Variants in ZNF804B observed in about 807,000 individuals in gnomAD.
ZNF804B encodes zinc finger protein 804B.
ZNF804B carries 80 observed loss-of-function variants against 101.4 expected under a neutral mutation model. The observed-to-expected ratio is 0.79, with a 90% CI of 0.66 to 0.95. ZNF804B has a LOEUF of 0.95. Ranked by LOEUF, ZNF804B falls within the 40% of genes least tolerant of loss-of-function variation. ZNF804B has a pLI of 0.00. For missense variants in ZNF804B, 1,673 were observed against 1,561.9 expected, an observed-to-expected ratio of 1.07 and a Z score of -1.20; for synonymous variants, 622 against 558.8, an observed-to-expected ratio of 1.11 and a Z score of -1.59.
chr7:88,805,707 G>T (rs1302069391), intron 1 of ZNF804B, among the ~76,000 whole-genome samples: 1 of 152,190 alleles, frequency 6.6e-6, no homozygotes, highest in East Asian at 1.9e-4. Flanking sequence ...ATTCCTGGGG[G>T]TCTAGAGTAA....
At chr7:89,144,259 T>C (rs1790757761) in intron 1 of ZNF804B, among the ~76,000 whole-genome samples, 1 of 152,140 alleles carries the variant, frequency 6.6e-6, no homozygotes, top group East Asian at 1.9e-4. Flanking sequence ...GTCATTTCTA[T>C]TTTGAGAAAA....
chr7:89,015,956 G>A (rs1381582111), intron 1 of ZNF804B, among the ~76,000 whole-genome samples: 2 of 152,064 alleles, frequency 1.3e-5, no homozygotes, highest in African/African-American at 4.8e-5. Flanking sequence ...CCCACCAACA[G>A]TGTAAAAGTG....
chr7:88,866,321 C>T (rs1006512956), intron 1 of ZNF804B, among the ~76,000 whole-genome samples: 4 of 152,140 alleles, frequency 2.6e-5, no homozygotes, highest in Non-Finnish European at 5.9e-5. Flanking sequence ...TCTTTTCCAT[C>T]AAGAGGTTGT....
chr7:89,214,159 T>C (rs1292585539), intron 1 of ZNF804B, among the ~76,000 whole-genome samples: 1 of 152,198 alleles, frequency 6.6e-6, no homozygotes, highest in African/African-American at 2.4e-5. Context: ...CCCATTGGCA[T>C]TACCGAATGT....
In ZNF804B at chr7:88,767,696, G is replaced by C. The variant is rs569126115; in HGVS notation, c.108+7612G>C. On this transcript the variant is annotated intron_variant, in intron 1 of 3. Coordinates refer to ENST00000333190, the MANE Select transcript of ZNF804B (RefSeq NM_181646.5). ...TTCTCTAAAAACGTTCAAAATCCTT[G>C]AATAATATTTTAAGTGTAGGTGCAT... Among the ~76,000 whole-genome samples the C allele has an allele frequency of 6.6e-5, 10 of 152,230 alleles. No homozygotes were observed. In the South Asian group the frequency reaches 2.1e-3, roughly 32 times the overall value.
In ZNF804B at chr7:89,298,216, GTATATATATATATATATATATATA is replaced by G. The variant is rs1171165341; in HGVS notation, c.250-29109_250-29086del. ...ATATCTATATAGTGTGTGTGTGTGT[GTATATATATATATATATATATATA>G]TATATATATATATATATACTTTAAG... On this transcript the variant is annotated intron_variant, in intron 2 of 3. Transcript: ENST00000333190. 8.0e-4 allele frequency among the ~76,000 whole-genome samples: 22 copies of G among 27,526 alleles called. No homozygotes were observed. In the South Asian group the frequency reaches 0.011, roughly 13 times the overall value. 18.1% of individuals were successfully genotyped at this position (27,526 alleles called of 152,430 possible).
chr7:88,991,552 A>G (rs1245719533), intron 1 of ZNF804B, among the ~76,000 whole-genome samples: 1 of 152,146 alleles, frequency 6.6e-6, no homozygotes, highest in Non-Finnish European at 1.5e-5. Flanking sequence ...GTGTTCTTCA[A>G]CCAGTTTCTC....
chr7:89,301,339 C>G (rs539436451), intron 2 of ZNF804B, among the ~76,000 whole-genome samples: 116 of 151,450 alleles, frequency 7.7e-4, no homozygotes, highest in African/African-American at 2.8e-3. Context: ...TTGATCTTGA[C>G]AGGACAATGC....
chr7:88,810,102 C>A (rs981544163), intron 1 of ZNF804B, among the ~76,000 whole-genome samples: 1 of 152,102 alleles, frequency 6.6e-6, no homozygotes, highest in African/African-American at 2.4e-5. Flanking sequence ...CCGTGATGCT[C>A]CTCTGTAATT....
At chr7:88,769,600 A>C (rs1790033215) in intron 1 of ZNF804B, among the ~76,000 whole-genome samples, 1 of 152,200 alleles carries the variant, frequency 6.6e-6, no homozygotes, top group Non-Finnish European at 1.5e-5. Flanking sequence ...CAAGTTAGGA[A>C]CTTGATCATT....
At chr7:88,823,097 C>G (rs1457972351) in intron 1 of ZNF804B, among the ~76,000 whole-genome samples, 1 of 152,062 alleles carries the variant, frequency 6.6e-6, no homozygotes, top group Non-Finnish European at 1.5e-5. Flanking sequence ...GTAATCCCAG[C>G]TACTTGAGAG....
At chr7:89,136,893 T>G (rs1038113301) in intron 1 of ZNF804B, among the ~76,000 whole-genome samples, 3 of 151,920 alleles carry the variant, frequency 2.0e-5, no homozygotes, top group Non-Finnish European at 4.4e-5. Context: ...GCTGTTCTCA[T>G]GATAGTGAGT....
intron 1 of ZNF804B, among the ~76,000 whole-genome samples, chr7:88,862,552 A>T (rs1318882357): frequency 6.6e-6 from 1 of 152,160 alleles, no homozygotes; most frequent in East Asian, 1.9e-4. Flanking sequence ...TCTAGTTGAA[A>T]ATTTATTCCA....
At chr7:88,813,390 A>G (rs1790821984) in intron 1 of ZNF804B, among the ~76,000 whole-genome samples, 1 of 150,306 alleles carries the variant, frequency 6.7e-6, no homozygotes, top group South Asian at 2.1e-4. Context: ...ACGCCACAGC[A>G]CTCCAGCCTG....
At chr7:88,994,197 A>AT (rs1357763061) in intron 1 of ZNF804B, among the ~76,000 whole-genome samples, 3 of 151,702 alleles carry the variant, frequency 2.0e-5, no homozygotes, top group Non-Finnish European at 2.9e-5. Context: ...TTCTTCATTA[A>AT]TTTTTTTTAT....
chr7:89,274,106 A>T (rs1314167549), intron 2 of ZNF804B, among the ~76,000 whole-genome samples: 2 of 151,268 alleles, frequency 1.3e-5, no homozygotes, highest in African/African-American at 4.9e-5. Flanking sequence ...AATCGGCAGC[A>T]CTATCTCCCT....
At chr7:88,905,462 A>C (rs1214978698) in intron 1 of ZNF804B, among the ~76,000 whole-genome samples, 1 of 151,994 alleles carries the variant, frequency 6.6e-6, no homozygotes, top group Non-Finnish European at 1.5e-5. Flanking sequence ...GGTTCAGGCA[A>C]TTCTCCTGCC....
At chr7:89,189,533 T>A (rs1788424964) in intron 1 of ZNF804B, among the ~76,000 whole-genome samples, 1 of 152,180 alleles carries the variant, frequency 6.6e-6, no homozygotes, top group Admixed American at 6.6e-5. Context: ...GATACAAAGT[T>A]ATTTTTTAGG....
intron 1 of ZNF804B, among the ~76,000 whole-genome samples, chr7:89,128,446 A>G (rs931373258): frequency 2.6e-5 from 4 of 152,012 alleles, no homozygotes; most frequent in Non-Finnish European, 5.9e-5. Flanking sequence ...TTTGAAAAGT[A>G]TGTGAGAATG....
Sources: allele counts gnomAD v4.1 joint callset (sites outside exome capture counted in the v4.1 genomes callset), GRCh38; gene constraint gnomAD v4.1.1; transcripts MANE v1.5; gene names NCBI Gene and HGNC (gene_info 2026-07-23, HGNC 2026-07-21).